RHBDD1: variants seen among roughly 807,000 people sequenced by gnomAD.
RHBDD1 encodes rhomboid domain containing 1.
In RHBDD1, 38 loss-of-function variants were observed where a neutral mutation model predicts 36.3. The observed-to-expected ratio is 1.05, with a 90% CI of 0.81 to 1.37. The LOEUF (loss-of-function observed/expected upper bound fraction) is 1.37, where lower values mean the gene tolerates loss of function less well. Among genes scored for constraint, RHBDD1 ranks in the 40% most tolerant of loss-of-function variants. The pLI is 0.00. For missense variants in RHBDD1, 393 were observed against 377.6 expected, an observed-to-expected ratio of 1.04 and a Z score of -0.34; for synonymous variants, 151 against 136.5, an observed-to-expected ratio of 1.11 and a Z score of -0.74.
intron 7 of RHBDD1, 93 bp downstream of exon 7, chr2:226,908,971 G>C (rs1443363624): frequency 3.7e-6 from 3 of 808,366 alleles, no homozygotes; most frequent in Non-Finnish European, 6.2e-6. Context: ...ACTAGTTTCT[G>C]CTGTGGTAGG....
rs369905444 is a variant in RHBDD1, at chr2:226,867,591, A to G, written c.566+273A>G. 74 of 985,204 alleles carry G rather than the reference A, an allele frequency of 7.5e-5. No individual in the cohort carries two copies. The East Asian group carries it at 1.6e-3, about 21-fold the overall frequency. 61.0% of individuals were successfully genotyped at this position (985,204 alleles called of 1,614,324 possible). A position where few individuals can be genotyped will look rare whatever the true frequency, so the allele number is the denominator to read the frequency against. ...GAGAACCTGCTATACTGATCTGAGG[A>G]TCAATATTAACCAGCCAATCAGCTG... On this transcript the variant is annotated intron_variant, in intron 5 of 8. Transcript: ENST00000392062.
chr2:226,829,857 A>T, the RHBDD1 span, among the ~76,000 whole-genome samples: 2 of 151,868 alleles, frequency 1.3e-5, no homozygotes, highest in Non-Finnish European at 2.9e-5. Context: ...CGTTTCCTTT[A>T]TTACACTAGC....
intron 3 of RHBDD1, among the ~76,000 whole-genome samples, chr2:226,856,161 T>C (rs1943299370): frequency 6.6e-6 from 1 of 152,214 alleles, no homozygotes; most frequent in African/African-American, 2.4e-5. Flanking sequence ...GAAGCCATAC[T>C]ATCTGCTATT....
At chr2:226,837,012 A>G (rs1941049582) in intron 1 of RHBDD1, among the ~76,000 whole-genome samples, 1 of 152,234 alleles carries the variant, frequency 6.6e-6, no homozygotes. Flanking sequence ...GTCTTATCCC[A>G]AACTTACTGA....
chr2:226,805,544 A>G, the RHBDD1 span, among the ~76,000 whole-genome samples: 1 of 152,236 alleles, frequency 6.6e-6, no homozygotes, highest in East Asian at 1.9e-4. Context: ...GCCAAGTGTT[A>G]TATCTAGATA....
At chr2:226,953,486 G>A (rs1278177479) in intron 8 of RHBDD1, among the ~76,000 whole-genome samples, 2 of 152,196 alleles carry the variant, frequency 1.3e-5, no homozygotes, top group East Asian at 1.9e-4. Flanking sequence ...CCTGGAAAGA[G>A]AGGTTGTTAT....
intron 5 of RHBDD1, among the ~76,000 whole-genome samples, chr2:226,874,794 T>G (rs1158492321): frequency 6.6e-6 from 1 of 152,210 alleles, no homozygotes; most frequent in African/African-American, 2.4e-5. Flanking sequence ...GAACCATTAT[T>G]CAGCCTACTA....
At chr2:226,968,441 C>G (rs771676875) in intron 8 of RHBDD1, among the ~76,000 whole-genome samples, 1 of 152,184 alleles carries the variant, frequency 6.6e-6, no homozygotes, top group Non-Finnish European at 1.5e-5. Context: ...CAGCTCTGCT[C>G]TTAAGGCCTT....
intron 3 of RHBDD1, among the ~76,000 whole-genome samples, chr2:226,841,553 T>C (rs958322725): frequency 3.3e-5 from 5 of 152,256 alleles, no homozygotes; most frequent in African/African-American, 1.2e-4. Context: ...GAACATGCAG[T>C]GTTTGGTTTT....
At chr2:226,808,945 G>C in the RHBDD1 span, among the ~76,000 whole-genome samples, 21 of 152,284 alleles carry the variant, frequency 1.4e-4, no homozygotes, top group East Asian at 4.0e-3. Context: ...TGGGGAAGAT[G>C]GGGGAAGATC....
intron 8 of RHBDD1, among the ~76,000 whole-genome samples, chr2:226,962,255 C>T (rs1952257051): frequency 6.6e-6 from 1 of 152,214 alleles, no homozygotes. Context: ...TATTTACAGT[C>T]AATTCCCAAG....
intron 5 of RHBDD1, among the ~76,000 whole-genome samples, chr2:226,885,042 A>C (rs919350983): frequency 6.6e-6 from 1 of 152,134 alleles, no homozygotes; most frequent in Non-Finnish European, 1.5e-5. Context: ...CAATTTATAG[A>C]AAAAAATCTA....
At chr2:226,844,172 GT>G (rs1368568349) in intron 3 of RHBDD1, among the ~76,000 whole-genome samples, 25 of 152,304 alleles carry the variant, frequency 1.6e-4, no homozygotes, top group African/African-American at 5.3e-4. Context: ...TGGTCACATA[GT>G]TTCTCAGCAC....
At chr2:226,913,233 C>A (rs1014505023) in intron 7 of RHBDD1, among the ~76,000 whole-genome samples, 2 of 152,072 alleles carry the variant, frequency 1.3e-5, no homozygotes, top group African/African-American at 4.8e-5. Flanking sequence ...AGATCTGTCA[C>A]AAAGACTCAT....
At chr2:226,801,435 G>A in the RHBDD1 span, among the ~76,000 whole-genome samples, 19 of 152,302 alleles carry the variant, frequency 1.2e-4, no homozygotes, top group African/African-American at 4.1e-4. Flanking sequence ...CGCCATTCAG[G>A]GGTGTGCGAT....
chr2:226,983,076 A>G (rs953305727), intron 8 of RHBDD1, among the ~76,000 whole-genome samples: 3 of 152,208 alleles, frequency 2.0e-5, no homozygotes, highest in Non-Finnish European at 4.4e-5. Context: ...TGCTAGTGCA[A>G]ATGGTCAAAG....
intron 8 of RHBDD1, among the ~76,000 whole-genome samples, chr2:226,955,400 T>TA (rs1161217618): frequency 1.3e-5 from 2 of 152,230 alleles, no homozygotes; most frequent in Admixed American, 6.5e-5. Context: ...CCCAGGGGCA[T>TA]ATACAGCTTT....
intron 8 of RHBDD1, among the ~76,000 whole-genome samples, chr2:226,971,354 G>A (rs575554300): frequency 2.6e-5 from 4 of 152,332 alleles, no homozygotes; most frequent in South Asian, 4.1e-4. Context: ...GTCGAAGGAC[G>A]TCTGAACCCT....
Position 226,914,402 on chromosome 2 carries a change from G to A in RHBDD1, c.856+51G>A, listed in dbSNP as rs1258376905. On this transcript the variant is annotated intron_variant, in intron 8 of 8. Coordinates refer to ENST00000392062, the MANE Select transcript of RHBDD1 (RefSeq NM_001167608.3). The stretch of plus-strand genomic sequence containing the variant: ...TTTTAAAGCATACCTCATGTGGTAA[G>A]GTAGTCTGAAAAAGAGCTATTTGTA... 4.5e-6 allele frequency: 7 copies of A among 1,554,224 alleles called. No homozygotes were observed. In the African/African-American group the frequency reaches 8.3e-5, roughly 18 times the overall value.
Sources: gnomAD v4.1 joint callset for allele counts (sites outside exome capture counted in the v4.1 genomes callset) on GRCh38, gnomAD v4.1.1 for gene constraint, MANE v1.5 for transcripts, NCBI Gene and HGNC (gene_info 2026-07-23, HGNC 2026-07-21) for gene names.